The following TEX9 variants were observed in gnomAD, a reference collection of about 807,000 sequenced individuals.
The protein encoded by TEX9 is testis-expressed protein 9.
In TEX9, 74 loss-of-function variants were observed where a neutral mutation model predicts 59.6. The ratio of observed to expected loss-of-function variants is 1.24; its 90% CI spans 1.03 to 1.51. The LOEUF (loss-of-function observed/expected upper bound fraction) is 1.51, where lower values mean the gene tolerates loss of function less well. TEX9 is among the 40% of genes most tolerant of loss of function. The pLI, the probability that TEX9 is intolerant of heterozygous loss-of-function variation, is 0.00. For missense variants in TEX9, 522 were observed against 447.8 expected, an observed-to-expected ratio of 1.17 and a Z score of -1.49; for synonymous variants, 186 against 152.2, an observed-to-expected ratio of 1.22 and a Z score of -1.64.
At position 56,438,021 on chromosome 15, in the gene TEX9, G is replaced by A. The variant is rs187795926; in HGVS notation, c.*30-7650G>A. Among the ~76,000 whole-genome samples, 1,276 of 152,180 alleles carry A rather than the reference G, an allele frequency of 8.4e-3. 20 individuals carry two copies. Among genetic ancestry groups the A allele is most frequent in the African/African-American group, 0.029 (1,191 of 41,510 alleles). ...CTCATGGATAGGAAGAATCAATATC[G>A]TGAAAATGGCCATACTGCCCAAGGT... On this transcript the variant is annotated intron_variant, in intron 12 of 12. Coordinates refer to ENST00000352903, the Ensembl canonical transcript of TEX9.
At chr15:56,349,174 T>A (rs1188165330) in intron 1 of TEX9, among the ~76,000 whole-genome samples, 1 of 152,186 alleles carries the variant, frequency 6.6e-6, no homozygotes, top group Non-Finnish European at 1.5e-5. Context: ...TATTTCTTTG[T>A]ATGTCAAGTA....
intron 1 of TEX9, among the ~76,000 whole-genome samples, chr15:56,329,772 A>G (rs914538853): frequency 2.0e-5 from 3 of 152,186 alleles, no homozygotes; most frequent in Non-Finnish European, 4.4e-5. Flanking sequence ...AGAATAAAAA[A>G]CAATGAAGCA....
At chr15:56,342,309 T>C (rs1480691731) in intron 1 of TEX9, among the ~76,000 whole-genome samples, 1 of 152,176 alleles carries the variant, frequency 6.6e-6, no homozygotes, top group Non-Finnish European at 1.5e-5. Flanking sequence ...AAGCTAAGGC[T>C]CAGAGAGGTT....
At chr15:56,369,384 C>G (rs1229051097) in intron 2 of TEX9, among the ~76,000 whole-genome samples, 1 of 149,766 alleles carries the variant, frequency 6.7e-6, no homozygotes, top group Non-Finnish European at 1.5e-5. Context: ...GACAGGGTCT[C>G]ACCCTGTTGC....
intron 4 of TEX9, 32 bp from the exon 5 acceptor site, chr15:56,388,440 A>C: frequency 6.5e-7 from 1 of 1,537,510 alleles, no homozygotes; most frequent in Non-Finnish European, 9.0e-7. Flanking sequence ...GTCATCTATT[A>C]TTAATGTATA....
At chr15:56,327,965 A>G (rs80210706) in intron 1 of TEX9, among the ~76,000 whole-genome samples, 4,019 of 152,096 alleles carry the variant, frequency 0.026, 283 homozygotes, top group East Asian at 0.24. Context: ...CTTGAGGCCA[A>G]TGGACTTGGG....
intron 1 of TEX9, among the ~76,000 whole-genome samples, chr15:56,311,055 A>C (rs1263342411): frequency 2.7e-5 from 4 of 150,804 alleles, no homozygotes; most frequent in African/African-American, 7.4e-5. Context: ...CTGCCCTGGC[A>C]TTTGCACCCA....
upstream of TEX9, among the ~76,000 whole-genome samples, chr15:56,363,036 T>C (rs141022999): frequency 3.8e-4 from 58 of 152,352 alleles, no homozygotes; most frequent in African/African-American, 1.3e-3. Context: ...TTGGCTGTTA[T>C]GAATAATCCT....
chr15:56,312,320 G>T (rs62046696), intron 1 of TEX9, among the ~76,000 whole-genome samples: 122,413 of 130,728 alleles, frequency 0.94, 58,136 homozygotes, highest in East Asian at 1. Context: ...TTAATTTTTG[G>T]ATAAGGTGTA....
chr15:56,451,854 C>T, the TEX9 span, among the ~76,000 whole-genome samples: 8 of 152,074 alleles, frequency 5.3e-5, no homozygotes, highest in African/African-American at 1.9e-4. Flanking sequence ...TTTTTAAATA[C>T]CTAAGCATAT....
intron 1 of TEX9, among the ~76,000 whole-genome samples, chr15:56,285,594 T>C (rs2044934688): frequency 6.6e-6 from 1 of 152,204 alleles, no homozygotes; most frequent in Non-Finnish European, 1.5e-5. Context: ...CTTTTTTCTT[T>C]GGATTTCAGC....
intron 1 of TEX9, among the ~76,000 whole-genome samples, chr15:56,247,518 C>G (rs1225297725): frequency 1.3e-5 from 2 of 152,030 alleles, no homozygotes; most frequent in Non-Finnish European, 2.9e-5. Context: ...GTAACATGAG[C>G]ACTGGTGTGA....
chr15:56,365,733 T>A (rs750052681), intron 2 of TEX9, 63 bp downstream of exon 2: 2 of 1,600,410 alleles, frequency 1.2e-6, no homozygotes, highest in Non-Finnish European at 1.7e-6. Context: ...TGCTTACAAG[T>A]ACTTTTTTCT....
At chr15:56,396,961 A>G (rs1230901300) in intron 9 of TEX9, 1 of 152,292 alleles carries the variant, frequency 6.6e-6, no homozygotes, top group Non-Finnish European at 1.5e-5. Context: ...GTACTAGTAG[A>G]GTCAGGCGCT....
Position 56,299,522 on chromosome 15 carries a change from G to T in TEX9, c.-107+55244G>T, listed in dbSNP as rs566038353. Among the ~76,000 whole-genome samples the T allele has an allele frequency of 2.6e-5, 4 of 152,254 alleles. No individual in the cohort carries two copies. The South Asian group carries it at 8.3e-4, about 32-fold the overall frequency. ...CTAGGCTCAGAGCCAGTGGACTTGG[G>T]GTACACATGACCTAGCGATATACCA... On this transcript the variant is annotated intron_variant, in intron 1 of 5. Coordinates refer to the TEX9 transcript ENST00000560827.
At chr15:56,282,251 G>A (rs910078377) in intron 1 of TEX9, among the ~76,000 whole-genome samples, 33 of 151,948 alleles carry the variant, frequency 2.2e-4, no homozygotes, top group Non-Finnish European at 4.1e-4. Context: ...CACTTAAAAC[G>A]TCACAATCAT....
chr15:56,346,635 C>G (rs541343624), intron 1 of TEX9, among the ~76,000 whole-genome samples: 1 of 152,266 alleles, frequency 6.6e-6, no homozygotes, highest in South Asian at 2.1e-4. Context: ...CTTTATGACT[C>G]AACCACACGT....
chr15:56,345,313 G>A (rs566979889), intron 1 of TEX9, among the ~76,000 whole-genome samples: 7 of 152,130 alleles, frequency 4.6e-5, no homozygotes, highest in Admixed American at 6.6e-5. Context: ...ACATATTTGT[G>A]TGTTGGGGGA....
intron 9 of TEX9, among the ~76,000 whole-genome samples, chr15:56,401,057 G>A (rs1040549306): frequency 6.6e-6 from 1 of 151,192 alleles, no homozygotes; most frequent in Admixed American, 6.6e-5. Flanking sequence ...TCAATGAGAA[G>A]AAGAAACTGC....
Sources: gnomAD v4.1 joint callset for allele counts (sites outside exome capture counted in the v4.1 genomes callset) on GRCh38, gnomAD v4.1.1 for gene constraint, MANE v1.5 for transcripts, NCBI Gene and HGNC (gene_info 2026-07-23, HGNC 2026-07-21) for gene names.